The following MARCHF10 variants were observed in gnomAD, a reference collection of about 807,000 sequenced individuals.
The protein encoded by MARCHF10 is probable E3 ubiquitin-protein ligase MARCHF10.
A neutral mutation model predicts 76.2 loss-of-function variants in MARCHF10; 64 were observed. The observed-to-expected ratio is 0.84, with a 90% CI of 0.69 to 1.03. The LOEUF (loss-of-function observed/expected upper bound fraction) is 1.03. MARCHF10 is among the 50% of genes least tolerant of loss of function. The probability of loss-of-function intolerance (pLI) is 0.00; values close to 1 mark genes in which losing one functional copy is unlikely to be tolerated. For synonymous variants in MARCHF10, 340 were observed against 357.5 expected, an observed-to-expected ratio of 0.95 and a Z score of 0.55; for missense variants, 875 against 958.0, an observed-to-expected ratio of 0.91 and a Z score of 1.14.
Position 62,775,317 on chromosome 17 carries a change from G to A in MARCHF10, c.210+13163C>T, listed in dbSNP as rs190302775. Among the ~76,000 whole-genome samples the A allele has an allele frequency of 6.6e-5, 10 of 151,996 alleles. No homozygotes were observed. The East Asian group carries it at 2.0e-3, about 30-fold the overall frequency. On this transcript the variant is annotated intron_variant, in intron 3 of 10. Coordinates refer to ENST00000311269, the MANE Select transcript of MARCHF10 (RefSeq NM_152598.4). ...ATTTTTGTATTTTTAGTAGAGACGG[G>A]GTTTCACCATGTTGCCCAGGCTGGC...
chr17:62,770,546 T>A (rs906865979), intron 3 of MARCHF10, among the ~76,000 whole-genome samples: 1 of 150,418 alleles, frequency 6.6e-6, no homozygotes, highest in African/African-American at 2.4e-5. Context: ...ATTTTGACTT[T>A]TTTTTTTTTT....
Position 62,753,139 on chromosome 17 carries a change from G to A in MARCHF10, c.382+6696C>T, listed in dbSNP as rs146089067. Among the ~76,000 whole-genome samples, 428 of 152,034 alleles carry A rather than the reference G, an allele frequency of 2.8e-3. 1 individual carries two copies. Among genetic ancestry groups the A allele is most frequent in the Middle Eastern group, 6.8e-3 (2 of 294 alleles). ...TTTTGAGATGGAGCCTTGCTCTGTC[G>A]CCCAGGCTGGAGTGTGGAGTGCAGT... On this transcript the variant is annotated intron_variant, in intron 4 of 10. Transcript: ENST00000311269.
chr17:62,730,978 T>C (rs1260184520), intron 6 of MARCHF10, among the ~76,000 whole-genome samples: 1 of 152,064 alleles, frequency 6.6e-6, no homozygotes. Context: ...GTTGGTAGAA[T>C]CAGGAATGAA....
intron 3 of MARCHF10, among the ~76,000 whole-genome samples, chr17:62,786,324 T>A (rs184734849): frequency 6.8e-6 from 1 of 148,056 alleles, no homozygotes; most frequent in Non-Finnish European, 1.5e-5. Flanking sequence ...TAGGTGGGAA[T>A]TGAACAATGA....
chr17:62,790,993 T>G (rs1465191852), intron 2 of MARCHF10, among the ~76,000 whole-genome samples: 1 of 152,222 alleles, frequency 6.6e-6, no homozygotes, highest in Non-Finnish European at 1.5e-5. Flanking sequence ...CAGTTAATCT[T>G]CTTTTCAAAA....
intron 1 of MARCHF10, chr17:62,806,511 G>A (rs1225249021): frequency 6.6e-6 from 1 of 152,212 alleles, no homozygotes; most frequent in Admixed American, 6.5e-5. Context: ...AATGTCTTGT[G>A]CCAAATCTGT....
At chr17:62,748,782 C>G (rs1438506688) in intron 4 of MARCHF10, among the ~76,000 whole-genome samples, 1 of 152,128 alleles carries the variant, frequency 6.6e-6, no homozygotes, top group African/African-American at 2.4e-5. Context: ...TACCAAGTTC[C>G]CATCACTTCA....
intron 9 of MARCHF10, among the ~76,000 whole-genome samples, chr17:62,705,891 A>C (rs955154220): frequency 6.6e-6 from 1 of 152,210 alleles, no homozygotes; most frequent in African/African-American, 2.4e-5. Flanking sequence ...TGATGGTCCG[A>C]ATCACATTTA....
At chr17:62,762,841 C>T (rs749616922) in intron 3 of MARCHF10, among the ~76,000 whole-genome samples, 16 of 152,222 alleles carry the variant, frequency 1.1e-4, no homozygotes, top group Non-Finnish European at 1.8e-4. Context: ...CCACCACGCC[C>T]GGCCTATCCT....
chr17:62,795,167 T>G (rs1180337048), intron 2 of MARCHF10: 1 of 326,890 alleles, frequency 3.1e-6, no homozygotes, highest in African/African-American at 2.2e-5. Flanking sequence ...AACACATGTA[T>G]ATTGAGATAT....
intron 1 of MARCHF10, among the ~76,000 whole-genome samples, chr17:62,807,772 C>G (rs1460559419): frequency 1.3e-5 from 2 of 152,088 alleles, no homozygotes; most frequent in Admixed American, 6.5e-5. Context: ...CAAAAATAAA[C>G]AAAATCAATA....
chr17:62,798,155 C>G (rs980695055), intron 2 of MARCHF10, among the ~76,000 whole-genome samples: 1 of 151,980 alleles, frequency 6.6e-6, no homozygotes, highest in African/African-American at 2.4e-5. Flanking sequence ...GTGGTTGAAC[C>G]ATAGCAGAGG....
At chr17:62,740,638 C>T (rs1305109787) in intron 5 of MARCHF10, among the ~76,000 whole-genome samples, 1 of 151,940 alleles carries the variant, frequency 6.6e-6, no homozygotes, top group Non-Finnish European at 1.5e-5. Context: ...TGTGCTTTGG[C>T]TCAGCTTCTT....
chr17:62,760,102 C>G, intron 3 of MARCHF10, 96 bp from the exon 4 acceptor site: 1 of 1,007,582 alleles, frequency 9.9e-7, no homozygotes. Flanking sequence ...GTGACCCTCT[C>G]CAGCAATAAT....
chr17:62,794,446 G>A (rs1318231367), intron 2 of MARCHF10, among the ~76,000 whole-genome samples: 1 of 152,200 alleles, frequency 6.6e-6, no homozygotes, highest in Non-Finnish European at 1.5e-5. Context: ...GAATCTTTCT[G>A]TCTAGTCCTG....
chr17:62,713,846 A>G (rs150891040), intron 8 of MARCHF10, among the ~76,000 whole-genome samples: 15 of 152,322 alleles, frequency 9.8e-5, no homozygotes, highest in Non-Finnish European at 1.9e-4. Flanking sequence ...GGGCGGGGAC[A>G]TTAAAAAGGA....
intron 4 of MARCHF10, among the ~76,000 whole-genome samples, chr17:62,749,091 CTCCAGTT>C (rs1185646742): frequency 1.3e-5 from 2 of 152,154 alleles, no homozygotes; most frequent in African/African-American, 4.8e-5. Flanking sequence ...AAGGTGATGC[CTCCAGTT>C]TTAAAGAAAC....
chr17:62,776,597 A>G (rs893752087), intron 3 of MARCHF10, among the ~76,000 whole-genome samples: 7 of 152,228 alleles, frequency 4.6e-5, no homozygotes, highest in Non-Finnish European at 1.0e-4. Context: ...ATGCTGCTGA[A>G]GATCTCCAGC....
At chr17:62,751,063 G>A (rs72843610) in intron 4 of MARCHF10, among the ~76,000 whole-genome samples, 4 of 152,272 alleles carry the variant, frequency 2.6e-5, no homozygotes, top group Non-Finnish European at 5.9e-5. Flanking sequence ...TGCGAAGGGA[G>A]AAAAATCAAG....
Sources: allele counts gnomAD v4.1 joint callset (sites outside exome capture counted in the v4.1 genomes callset), GRCh38; gene constraint gnomAD v4.1.1; transcripts MANE v1.5; gene names NCBI Gene and HGNC (gene_info 2026-07-23, HGNC 2026-07-21).